The following RALGPS1 variants were observed in gnomAD, a reference collection of about 807,000 sequenced individuals.
The protein encoded by RALGPS1 is ras-specific guanine nucleotide-releasing factor RalGPS1.
In RALGPS1, 19 loss-of-function variants were observed where a neutral mutation model predicts 78.8. The observed-to-expected ratio is 0.24, with a 90% CI of 0.17 to 0.35. The LOEUF (loss-of-function observed/expected upper bound fraction) is 0.35. Among genes scored for constraint, RALGPS1 ranks in the 10% least tolerant of loss-of-function variants. RALGPS1 has a pLI of 1.00. For synonymous variants in RALGPS1, 228 were observed against 256.3 expected (o/e 0.89, Z 1.06); for missense variants, 454 against 688.3 (o/e 0.66, Z 3.81).
At chr9:127,016,516 AAT>A (rs953329923) in intron 4 of RALGPS1, 2 of 152,206 alleles carry the variant, frequency 1.3e-5, no homozygotes, top group African/African-American at 2.4e-5. Flanking sequence ...ACTTCATAAA[AAT>A]ATAAAATTGC....
rs181867311 is a variant in RALGPS1, at chr9:127,201,961, C to T, written c.1247+2895C>T. 3.9e-5 allele frequency among the ~76,000 whole-genome samples: 6 copies of T among 152,300 alleles called. No homozygotes were observed. The East Asian group carries it at 9.6e-4, about 24-fold the overall frequency. ...GCCAGAGCCAAGGGTGCAGGGGAGG[C>T]CTGGGCCACGCAGAGAAGTGAGGTG... On this transcript the variant is annotated intron_variant, in intron 14 of 18. Coordinates refer to ENST00000259351, the MANE Select transcript of RALGPS1 (RefSeq NM_014636.3).
intron 4 of RALGPS1, among the ~76,000 whole-genome samples, chr9:126,981,695 T>C (rs1310254552): frequency 6.6e-6 from 1 of 152,228 alleles, no homozygotes; most frequent in East Asian, 1.9e-4. Flanking sequence ...CTTTGTTTTA[T>C]ATATGAGGAA....
At chr9:126,989,676 G>T (rs961498259) in intron 4 of RALGPS1, among the ~76,000 whole-genome samples, 1 of 152,186 alleles carries the variant, frequency 6.6e-6, no homozygotes, top group Non-Finnish European at 1.5e-5. Flanking sequence ...TCCTAAGTGT[G>T]TTTTAAGGAA....
chr9:127,051,472 G>T (rs1388921694), intron 6 of RALGPS1, among the ~76,000 whole-genome samples: 1 of 152,124 alleles, frequency 6.6e-6, no homozygotes, highest in Non-Finnish European at 1.5e-5. Flanking sequence ...AGAGCTGTGG[G>T]TTAGATAATT....
At chr9:127,032,141 A>G (rs1230897526) in intron 4 of RALGPS1, among the ~76,000 whole-genome samples, 2 of 152,198 alleles carry the variant, frequency 1.3e-5, no homozygotes, top group Non-Finnish European at 2.9e-5. Flanking sequence ...GCATGTCTTA[A>G]TCTCATTTAA....
At position 127,114,326 on chromosome 9, in the gene RALGPS1, T is replaced by C. The variant is rs117674670; in HGVS notation, c.610+44970T>C. 2.5e-3 allele frequency among the ~76,000 whole-genome samples: 382 copies of C among 152,326 alleles called. 2 individuals carry two copies. Among genetic ancestry groups the C allele is most frequent in the Admixed American group, 6.3e-3 (97 of 15,302 alleles). On this transcript the variant is annotated intron_variant, in intron 8 of 18. Transcript: ENST00000259351. ...TTTGCAGTTGAGGAAACTATTGAGATTTGAGGATCGTGAGTCATTTGCCCA... is the reference window on the plus strand; with the variant it reads ...TTTGCAGTTGAGGAAACTATTGAGACTTGAGGATCGTGAGTCATTTGCCCA...
intron 8 of RALGPS1, among the ~76,000 whole-genome samples, chr9:127,093,058 A>G (rs1281161): frequency 0.023 from 3,565 of 152,180 alleles, 47 homozygotes; most frequent in Middle Eastern, 0.051. Context: ...TTGATACGAG[A>G]TTAAACAAAA....
chr9:127,153,375 C>CTTTTT (rs60308901), intron 8 of RALGPS1, among the ~76,000 whole-genome samples: 1 of 102,116 alleles, frequency 9.8e-6, no homozygotes, highest in Admixed American at 1.1e-4. Context: ...TAGAGGATTA[C>CTTTTT]TTTTTTTTTT....
At chr9:126,989,596 G>C (rs1236013688) in intron 4 of RALGPS1, among the ~76,000 whole-genome samples, 2 of 152,174 alleles carry the variant, frequency 1.3e-5, no homozygotes, top group Non-Finnish European at 2.9e-5. Flanking sequence ...GGGGTGGTCT[G>C]GGTGGGCCTG....
At chr9:127,204,702 C>G (rs932219302) in intron 14 of RALGPS1, among the ~76,000 whole-genome samples, 4 of 152,156 alleles carry the variant, frequency 2.6e-5, no homozygotes, top group Admixed American at 6.5e-5. Flanking sequence ...TTGGGTGATG[C>G]AGTTTCTGCC....
intron 5 of RALGPS1, among the ~76,000 whole-genome samples, chr9:127,044,642 A>T (rs2047598532): frequency 6.6e-6 from 1 of 152,170 alleles, no homozygotes; most frequent in Non-Finnish European, 1.5e-5. Flanking sequence ...ATATTGCATG[A>T]TGCTGAGGTT....
At chr9:127,197,380 G>A (rs924907752) in intron 13 of RALGPS1, among the ~76,000 whole-genome samples, 9 of 152,078 alleles carry the variant, frequency 5.9e-5, no homozygotes, top group African/African-American at 2.2e-4. Flanking sequence ...TCTGTGGTCT[G>A]TGTGTCTGTG....
Position 127,218,495 on chromosome 9 carries a change from G to T in RALGPS1, c.1645-245G>T, listed in dbSNP as rs116998396. Among the ~76,000 whole-genome samples, 1 of 152,198 alleles carries T rather than the reference G, an allele frequency of 6.6e-6. No homozygotes were observed. Reference sequence around the variant, plus strand: ...TGTCTTTGTAATGAGGACGATCCCAGTGCCTGCCCCAGGGGTTGAAGTGAG... The same window carrying T: ...TGTCTTTGTAATGAGGACGATCCCATTGCCTGCCCCAGGGGTTGAAGTGAG... On this transcript the variant is annotated intron_variant, in intron 18 of 18. Coordinates refer to ENST00000259351, the MANE Select transcript of RALGPS1 (RefSeq NM_014636.3). This position sits in a 1 kb window ranked among gnomAD's most constrained non-coding sequence, Gnocchi z 4.4.
At chr9:127,112,243 C>CA (rs751187877) in intron 8 of RALGPS1, among the ~76,000 whole-genome samples, 4 of 152,228 alleles carry the variant, frequency 2.6e-5, no homozygotes, top group Admixed American at 6.5e-5. Flanking sequence ...AGTGGAAACC[C>CA]AGCTGAGTTT....
At chr9:127,076,896 G>A (rs2050726677) in intron 8 of RALGPS1, among the ~76,000 whole-genome samples, 1 of 152,238 alleles carries the variant, frequency 6.6e-6, no homozygotes, top group African/African-American at 2.4e-5. Context: ...TGGGTGAAGA[G>A]GTGGGAAGTG....
intron 4 of RALGPS1, among the ~76,000 whole-genome samples, chr9:127,012,852 T>C (rs2044474422): frequency 6.6e-6 from 1 of 152,202 alleles, no homozygotes; most frequent in African/African-American, 2.4e-5. Context: ...TCAGCACCTA[T>C]TGACCAGGCA....
At chr9:126,941,001 C>T (rs1441636971) in intron 1 of RALGPS1, among the ~76,000 whole-genome samples, 1 of 152,118 alleles carries the variant, frequency 6.6e-6, no homozygotes, top group Non-Finnish European at 1.5e-5. Flanking sequence ...ACAATAATGC[C>T]ATTAAGAGGC....
intron 4 of RALGPS1, among the ~76,000 whole-genome samples, chr9:127,019,501 G>A (rs1219875722): frequency 1.3e-5 from 2 of 151,894 alleles, no homozygotes; most frequent in Non-Finnish European, 2.9e-5. Context: ...CTAATTTTTT[G>A]TATTTTTAGT....
chr9:127,106,788 C>G (rs770000213), intron 8 of RALGPS1: 1 of 152,272 alleles, frequency 6.6e-6, no homozygotes, highest in Non-Finnish European at 1.5e-5. Context: ...GGTTCAGCCC[C>G]TCTTTGGAAT....
Sources: allele counts gnomAD v4.1 joint callset (sites outside exome capture counted in the v4.1 genomes callset), GRCh38; gene constraint gnomAD v4.1.1; non-coding constraint Gnocchi (gnomAD v3.1); transcripts MANE v1.5; gene names NCBI Gene and HGNC (gene_info 2026-07-23, HGNC 2026-07-21).